Variants in EPB41L4B observed in about 807,000 individuals in gnomAD.
EPB41L4B encodes the protein band 4.1-like protein 4B.
A neutral mutation model predicts 112.5 loss-of-function variants in EPB41L4B; 30 were observed. That is an observed-to-expected ratio of 0.27 (90% CI 0.20 to 0.36). The LOEUF is 0.36. Among genes scored for constraint, EPB41L4B ranks in the 10% least tolerant of loss-of-function variants. The probability of loss-of-function intolerance (pLI) is 1.00; values close to 1 mark genes in which losing one functional copy is unlikely to be tolerated. For synonymous variants in EPB41L4B, 408 were observed against 439.7 expected (o/e 0.93, Z 0.90); for missense variants, 1,024 against 1,133.3 (o/e 0.90, Z 1.38).
chr9:109,251,812 G>GAA (rs1193183176), intron 12 of EPB41L4B, among the ~76,000 whole-genome samples: 2 of 152,178 alleles, frequency 1.3e-5, no homozygotes, highest in Non-Finnish European at 1.5e-5. Context: ...GAGAAAGGCA[G>GAA]ATACAGAGAA....
At position 109,255,797 on chromosome 9, in the gene EPB41L4B, C is replaced by A; in HGVS notation, c.976G>T (p.Val326Leu). Residue 326 changes from valine to leucine, a missense_variant, in exon 10 of 26, where the codon GTG (valine) becomes TTG (leucine). Coordinates refer to ENST00000374566, the MANE Select transcript of EPB41L4B (RefSeq NM_019114.5). ...MDFKKSKLTL[V>L]VVEDDDQGRE... ...ACCTGATCATCATCCTCGACCACCA[C>A]GAGTGTCAATTTGCTCTTTTTAAAA... 1 of 1,613,814 alleles carries A rather than the reference C, an allele frequency of 6.2e-7. No homozygotes were observed. Among genetic ancestry groups the A allele is most frequent in the Non-Finnish European group, 8.5e-7 (1 of 1,179,966 alleles).
intron 15 of EPB41L4B, chr9:109,241,645 A>G: frequency 6.2e-7 from 1 of 1,613,830 alleles, no homozygotes. Flanking sequence ...TGAATGGAAG[A>G]GAGATGCTTC....
At chr9:109,297,123 C>A (rs554210092) in intron 1 of EPB41L4B, among the ~76,000 whole-genome samples, 1 of 147,252 alleles carries the variant, frequency 6.8e-6, no homozygotes, top group African/African-American at 2.5e-5. Context: ...AAGAAGAGAT[C>A]GGGACACACA....
At chr9:109,251,568 T>C in intron 12 of EPB41L4B, 57 bp from the exon 13 acceptor site, 3 of 1,515,986 alleles carry the variant, frequency 2.0e-6, no homozygotes, top group Non-Finnish European at 2.8e-6. Context: ...GCTTTCACCA[T>C]GCAATGACAG....
intron 5 of EPB41L4B, among the ~76,000 whole-genome samples, chr9:109,263,664 C>T (rs7866874): frequency 0.99 from 150,820 of 152,374 alleles, 74,647 homozygotes; most frequent in East Asian, 1. Flanking sequence ...GTTAGAAAAA[C>T]AATAATGACA....
At chr9:109,229,758 G>A (rs559667770) in intron 15 of EPB41L4B, among the ~76,000 whole-genome samples, 1 of 152,156 alleles carries the variant, frequency 6.6e-6, no homozygotes, top group Non-Finnish European at 1.5e-5. Context: ...GCCTCAGAAG[G>A]GTTGCAAGTG....
intron 1 of EPB41L4B, among the ~76,000 whole-genome samples, chr9:109,302,923 T>TA (rs1461927095): frequency 6.6e-6 from 1 of 151,380 alleles, no homozygotes; most frequent in South Asian, 2.1e-4. Context: ...TTATCACAAT[T>TA]AAAAAAAAGA....
intron 15 of EPB41L4B, among the ~76,000 whole-genome samples, chr9:109,227,914 T>C (rs1362163612): frequency 6.6e-6 from 1 of 152,164 alleles, no homozygotes; most frequent in African/African-American, 2.4e-5. Flanking sequence ...TAGATGGATA[T>C]ACAAAGCTGC....
chr9:109,192,352 G>T lies in EPB41L4B; in HGVS notation c.2227C>A (p.Pro743Thr), dbSNP rs1381238481. The part of the protein sequence containing the change: ...KGLLSPGAKS[P>T]SDRGGAFTLE... ...GTAAAGGCACCTCCTCGGTCAGAGGGGCTCTAGGGAGACAGACAAACACCC... is the reference window on the plus strand; with the variant it reads ...GTAAAGGCACCTCCTCGGTCAGAGGTGCTCTAGGGAGACAGACAAACACCC... Residue 743 changes from proline to threonine, a missense_variant, in exon 22 of 26, where the codon CCC becomes ACC. Physicochemically the swap from Pro to Thr is conservative, Grantham distance 38 (BLOSUM62 -1). Coordinates refer to ENST00000374566, the MANE Select transcript of EPB41L4B (RefSeq NM_019114.5). 6.2e-7 allele frequency: 1 copy of T among 1,603,452 alleles called. No homozygotes were observed. Among genetic ancestry groups the T allele is most frequent in the Admixed American group, 1.7e-5 (1 of 57,196 alleles).
chr9:109,187,231 T>C (rs142257186), intron 22 of EPB41L4B, among the ~76,000 whole-genome samples: 1 of 152,260 alleles, frequency 6.6e-6, no homozygotes, highest in African/African-American at 2.4e-5. Flanking sequence ...GTAAGTTTCA[T>C]AGAAAAATGA....
intron 14 of EPB41L4B, 79 bp from the exon 15 acceptor site, chr9:109,243,761 C>A: frequency 1.4e-6 from 2 of 1,432,832 alleles, no homozygotes; most frequent in African/African-American, 1.4e-5. Context: ...CTGTTCCTGG[C>A]ATCCACCCGA....
chr9:109,319,301 T>C (rs1400338249), intron 1 of EPB41L4B, among the ~76,000 whole-genome samples: 1 of 152,072 alleles, frequency 6.6e-6, no homozygotes, highest in Non-Finnish European at 1.5e-5. Flanking sequence ...CAACCACCTG[T>C]GGGCGGGTGC....
chr9:109,311,370 A>G (rs1289193682), intron 1 of EPB41L4B, among the ~76,000 whole-genome samples: 1 of 152,200 alleles, frequency 6.6e-6, no homozygotes, highest in Non-Finnish European at 1.5e-5. Context: ...CATGGAAAAG[A>G]AACCACAGAG....
At chr9:109,294,020 T>C (rs1246591056) in intron 1 of EPB41L4B, among the ~76,000 whole-genome samples, 2 of 152,144 alleles carry the variant, frequency 1.3e-5, no homozygotes, top group African/African-American at 4.8e-5. Context: ...TAAGAAATCA[T>C]TGTTGGCCGG....
intron 15 of EPB41L4B, among the ~76,000 whole-genome samples, chr9:109,230,919 G>A: frequency 6.6e-6 from 1 of 152,174 alleles, no homozygotes; most frequent in East Asian, 1.9e-4. Flanking sequence ...ACACTGGGAG[G>A]CCAATGTAGG....
chr9:109,222,474 G>T (rs1378997166), intron 15 of EPB41L4B, among the ~76,000 whole-genome samples: 2 of 152,188 alleles, frequency 1.3e-5, no homozygotes, highest in Non-Finnish European at 2.9e-5. Flanking sequence ...CAATGTAAAT[G>T]ACATTCACTA....
At chr9:109,283,612 G>A (rs564758862) in intron 1 of EPB41L4B, among the ~76,000 whole-genome samples, 1 of 152,234 alleles carries the variant, frequency 6.6e-6, no homozygotes, top group South Asian at 2.1e-4. Flanking sequence ...AAATTTTAAT[G>A]ACAATGTTAG....
intron 22 of EPB41L4B, among the ~76,000 whole-genome samples, chr9:109,186,987 A>G (rs1227746106): frequency 6.6e-6 from 1 of 152,154 alleles, no homozygotes; most frequent in African/African-American, 2.4e-5. Flanking sequence ...TCTCCACCTT[A>G]TCCTTGAATA....
chr9:109,177,886 T>C (rs1360293418), intron 24 of EPB41L4B, among the ~76,000 whole-genome samples: 1 of 152,040 alleles, frequency 6.6e-6, no homozygotes, highest in Non-Finnish European at 1.5e-5. Context: ...TCAGTATATT[T>C]CCTCACAGGT....
Sources: allele counts gnomAD v4.1 joint callset (sites outside exome capture counted in the v4.1 genomes callset), GRCh38; gene constraint gnomAD v4.1.1; transcripts MANE v1.5; gene names NCBI Gene and HGNC (gene_info 2026-07-23, HGNC 2026-07-21).